BICRA: variants seen among roughly 807,000 people sequenced by gnomAD.
BICRA encodes the protein BRD4-interacting chromatin-remodeling complex-associated protein.
A neutral mutation model predicts 96.9 loss-of-function variants in BICRA; 31 were observed. The ratio of observed to expected loss-of-function variants is 0.32; its 90% CI spans 0.24 to 0.43. The LOEUF (loss-of-function observed/expected upper bound fraction) is 0.43, where lower values mean the gene tolerates loss of function less well. Among genes scored for constraint, BICRA ranks in the 20% least tolerant of loss-of-function variants. BICRA has a pLI of 1.00. For synonymous variants in BICRA, 1,350 were observed against 1,071.8 expected, an observed-to-expected ratio of 1.26 and a Z score of -5.07; for missense variants, 2,283 against 2,190.3, an observed-to-expected ratio of 1.04 and a Z score of -0.84.
Position 47,681,249 on chromosome 19 carries a change from G to C in BICRA, c.2079G>C (p.Gln693His), listed in dbSNP as rs1973052515. The change falls in exon 6 of 15, where the codon CAG (glutamine) becomes CAC (histidine). Residue 693 changes from glutamine to histidine, a missense_variant. Gln to His is a conservative substitution (Grantham distance 24, BLOSUM62 0). Transcript: ENST00000594866. ...PSATPTAILT[Q>H]DSLQMFLPQE... ...CCACCCCCACGGCCATCCTCACTCA[G>C]GACTCCCTGCAGATGTTCCTGCCCC... 2 of 1,539,146 alleles carry C rather than the reference G, an allele frequency of 1.3e-6. No homozygotes were observed. Among genetic ancestry groups the C allele is most frequent in the Non-Finnish European group, 1.7e-6 (2 of 1,148,298 alleles).
upstream of BICRA, chr19:47,608,463 C>T (rs973500617): frequency 6.6e-6 from 1 of 152,228 alleles, no homozygotes; most frequent in African/African-American, 2.4e-5. Flanking sequence ...TGCGGCGCTC[C>T]CCCTGGACGC....
At position 47,694,994 on chromosome 19, in the gene BICRA, C is replaced by T. The variant is rs754973600; in HGVS notation, c.2990C>T (p.Ala997Val). The change falls in exon 9 of 15, where the codon GCG (alanine) becomes GTG (valine). Residue 997 changes from alanine (A) to valine (V), a missense_variant. Physicochemically the swap from Ala to Val is moderately conservative, Grantham distance 64. Transcript: ENST00000594866. ...TSLGPLTSPA[A>V]SVLVSGQAPS... ...CTGGGGCCCCTCACCAGCCCCGCTG[C>T]GTCTGTGCTGGTCAGTGGGCAGGCC... 68 of 1,548,104 alleles carry T rather than the reference C, an allele frequency of 4.4e-5. No individual in the cohort carries two copies. The East Asian group carries it at 1.1e-3, about 26-fold the overall frequency.
chr19:47,668,780 G>A (rs545991874), intron 1 of BICRA, among the ~76,000 whole-genome samples: 11 of 151,684 alleles, frequency 7.3e-5, no homozygotes, highest in African/African-American at 1.2e-4. Flanking sequence ...CATGAGCCAC[G>A]GCGCCCGGCT....
rs771377462 is a variant in BICRA, at chr19:47,675,861, A to G, written c.95A>G (p.Asp32Gly). The G allele has an allele frequency of 3.7e-6, 6 of 1,606,964 alleles. No homozygotes were observed. The highest frequency in any genetic ancestry group is 4.3e-6 in the Non-Finnish European group (5 of 1,176,132). Reference sequence around the variant, plus strand: ...CGGGTCTTGTTGCAGCTTGACAGTGATGACCTCCTGGATAATCCCGGGGAG... The same window carrying G: ...CGGGTCTTGTTGCAGCTTGACAGTGGTGACCTCCTGGATAATCCCGGGGAG... ...FLHGSEKLDS[D>G]DLLDNPGEAQ... is the part of the protein sequence containing the mutation. The change falls in exon 5 of 15, where the codon GAT (aspartate) becomes GGT (glycine). Residue 32 changes from aspartate (D) to glycine (G), a missense_variant. Coordinates refer to ENST00000594866, the MANE Select transcript of BICRA (RefSeq NM_001394372.1). This position sits in a 1 kb window ranked among gnomAD's most constrained non-coding sequence, Gnocchi z 4.7.
chr19:47,614,229 C>T (rs1015307242), intron 1 of BICRA, among the ~76,000 whole-genome samples: 1 of 152,188 alleles, frequency 6.6e-6, no homozygotes, highest in Non-Finnish European at 1.5e-5. Flanking sequence ...TCTAACCTCT[C>T]CAGAATCCCT....
In BICRA at chr19:47,701,580, C is replaced by G; in HGVS notation, c.3848C>G (p.Ala1283Gly). ...SSSSAASSLD[A>G]DEDGPMPSRN... ...TCCTCTGCCGCCTCCTCCTTGGACG[C>G]CGACGAGGACGGCCCCATGCCCTCC... The change falls in exon 15 of 15, where the codon GCC becomes GGC. Residue 1283 changes from alanine (A) to glycine (G), a missense_variant. Physicochemically the swap from Ala to Gly is moderately conservative, Grantham distance 60 (BLOSUM62 0). Transcript: ENST00000594866. This position sits in a 1 kb window ranked among gnomAD's most constrained non-coding sequence, Gnocchi z 5.4. The G allele has an allele frequency of 6.4e-7, 1 of 1,554,468 alleles. No homozygotes were observed. The highest frequency in any genetic ancestry group is 2.4e-5 in the East Asian group (1 of 41,138).
intron 1 of BICRA, among the ~76,000 whole-genome samples, chr19:47,638,118 C>T (rs967570061): frequency 1.3e-5 from 2 of 152,166 alleles, no homozygotes; most frequent in Admixed American, 1.3e-4. Context: ...CTCTTCCCTC[C>T]TCCTCCTGCT....
At chr19:47,653,828 CTTTGT>C (rs1012664475) in intron 1 of BICRA, among the ~76,000 whole-genome samples, 6 of 152,096 alleles carry the variant, frequency 3.9e-5, no homozygotes, top group Non-Finnish European at 7.4e-5. Context: ...ACAGGCCAGC[CTTTGT>C]TTTGTTTTGT....
At chr19:47,685,799 G>GCGCGCGCGCGCGCGCGCGCA (rs141802949) in intron 7 of BICRA, among the ~76,000 whole-genome samples, 3 of 148,734 alleles carry the variant, frequency 2.0e-5, no homozygotes, top group Non-Finnish European at 4.5e-5. Flanking sequence ...GCGCGCGCGC[G>GCGCGCGCGCGCGCGCGCGCA]CATGCGTACA....
rs373460749 is a variant in BICRA at position 47,702,086 on chromosome 19, G to A, written c.4354G>A (p.Ala1452Thr). Reference sequence around the variant, plus strand: ...GCTGAAGGGCCCCCCGCCAGAGCCCGCAGCCAGCGCCGCCCAAGGCACCGG... The same window carrying A: ...GCTGAAGGGCCCCCCGCCAGAGCCCACAGCCAGCGCCGCCCAAGGCACCGG... The part of the protein sequence containing the change: ...RMLKGPPPEP[A>T]ASAAQGTGDP... Residue 1452 changes from alanine (A) to threonine (T), a missense_variant, in exon 15 of 15, where the codon GCA becomes ACA. Coordinates refer to ENST00000594866, the MANE Select transcript of BICRA (RefSeq NM_001394372.1). The A allele has an allele frequency of 1.9e-4, 280 of 1,512,116 alleles. No individual in the cohort carries two copies. In the African/African-American group the frequency reaches 2.9e-3, roughly 16 times the overall value. 93.7% of individuals were successfully genotyped at this position (1,512,116 alleles called of 1,614,324 possible).
chr19:47,618,485 T>A (rs1430228822), intron 1 of BICRA, among the ~76,000 whole-genome samples: 1 of 152,126 alleles, frequency 6.6e-6, no homozygotes, highest in East Asian at 1.9e-4. Context: ...GTTAGTGTTG[T>A]TATTGCTTCT....
intron 1 of BICRA, among the ~76,000 whole-genome samples, chr19:47,667,760 CCCAGGCATT>C (rs1163869723): frequency 4.6e-5 from 7 of 152,334 alleles, no homozygotes; most frequent in African/African-American, 1.7e-4. Context: ...TCCGAAGCAT[CCCAGGCATT>C]CATAAAATGA....
At chr19:47,650,320 A>C (rs1851769243) in intron 1 of BICRA, among the ~76,000 whole-genome samples, 1 of 152,068 alleles carries the variant, frequency 6.6e-6, no homozygotes, top group Non-Finnish European at 1.5e-5. Context: ...TTTCATAGAG[A>C]CAGGGTTTCA....
At chr19:47,610,493 G>A (rs930024212) in intron 1 of BICRA, among the ~76,000 whole-genome samples, 3 of 152,100 alleles carry the variant, frequency 2.0e-5, no homozygotes, top group Admixed American at 6.5e-5. Flanking sequence ...CAGAGGCCGC[G>A]GTGTCAGCTC....
At chr19:47,635,214 ATGT>A (rs1412375701) in intron 1 of BICRA, among the ~76,000 whole-genome samples, 5 of 151,150 alleles carry the variant, frequency 3.3e-5, no homozygotes, top group African/African-American at 1.2e-4. Context: ...TACCTTCATA[ATGT>A]TGTACAATCA....
intron 1 of BICRA, among the ~76,000 whole-genome samples, chr19:47,633,699 C>T (rs1176378234): frequency 1.3e-5 from 2 of 152,174 alleles, no homozygotes; most frequent in Non-Finnish European, 2.9e-5. Flanking sequence ...AGTCTCTTCT[C>T]CTGTTATAAT....
rs1973407619 is a variant in BICRA at position 47,699,495 on chromosome 19, T to TA, written c.3595+90_3595+91insA. On this transcript the variant is annotated intron_variant, in intron 14 of 14. Coordinates refer to ENST00000594866, the MANE Select transcript of BICRA (RefSeq NM_001394372.1). This position sits in a 1 kb window ranked among gnomAD's most constrained non-coding sequence, Gnocchi z 5.0. ...TTAGATTCAGGGCGGGGAGTGGGTG[T>TA]GTGGCCCTACCTCACTCCACCACTA... is the stretch of plus-strand genomic sequence containing the variant. 1 of 766,494 alleles carries TA rather than the reference T, an allele frequency of 1.3e-6. No homozygotes were observed. The highest frequency in any genetic ancestry group is 1.6e-5 in the South Asian group (1 of 64,240). 47.5% of individuals were successfully genotyped at this position (766,494 alleles called of 1,614,324 possible). A position where few individuals can be genotyped will look rare whatever the true frequency, so the allele number is the denominator to read the frequency against.
At chr19:47,622,037 G>A (rs1187647971) in intron 1 of BICRA, among the ~76,000 whole-genome samples, 5 of 151,572 alleles carry the variant, frequency 3.3e-5, no homozygotes, top group Non-Finnish European at 7.4e-5. Flanking sequence ...TGCGATTTTG[G>A]CCCACTGCAA....
upstream of BICRA, among the ~76,000 whole-genome samples, chr19:47,608,810 C>T (rs1971847129): frequency 3.3e-5 from 5 of 150,446 alleles, no homozygotes; most frequent in South Asian, 1.0e-3. Context: ...ATTCCTGAAG[C>T]CCCTCCTCCG....
Sources: gnomAD v4.1 joint callset for allele counts (sites outside exome capture counted in the v4.1 genomes callset) on GRCh38, gnomAD v4.1.1 for gene constraint, Gnocchi (gnomAD v3.1) non-coding constraint, MANE v1.5 for transcripts, NCBI Gene and HGNC (gene_info 2026-07-23, HGNC 2026-07-21) for gene names.